AKAP13: variants seen among roughly 807,000 people sequenced by gnomAD.
AKAP13 encodes A-kinase anchor protein 13.
In AKAP13, 80 loss-of-function variants were observed where a neutral mutation model predicts 264.5. The observed-to-expected ratio is 0.30, with a 90% CI of 0.25 to 0.36. The LOEUF (loss-of-function observed/expected upper bound fraction) is 0.36. Ranked by LOEUF, AKAP13 falls within the 10% of genes least tolerant of loss-of-function variation. AKAP13 has a pLI of 1.00. For missense variants in AKAP13, 3,712 were observed against 3,435.2 expected, an observed-to-expected ratio of 1.08 and a Z score of -2.01; for synonymous variants, 1,380 against 1,250.2, an observed-to-expected ratio of 1.10 and a Z score of -2.19.
At chr15:85,684,940 C>T (rs967068589) in intron 16 of AKAP13, 67 bp downstream of exon 16, 9 of 1,510,356 alleles carry the variant, frequency 6.0e-6, no homozygotes, top group Non-Finnish European at 7.1e-6. Context: ...TGCATTCACA[C>T]CAAAACTGGT....
At chr15:85,402,231 C>T (rs2071458721) in intron 1 of AKAP13, among the ~76,000 whole-genome samples, 1 of 152,206 alleles carries the variant, frequency 6.6e-6, no homozygotes, top group South Asian at 2.1e-4. Context: ...GCAAGTGGTG[C>T]TACACAGAGT....
chr15:85,720,791 A>G (rs1163204685), intron 23 of AKAP13, among the ~76,000 whole-genome samples: 1 of 151,966 alleles, frequency 6.6e-6, no homozygotes, highest in East Asian at 1.9e-4. Flanking sequence ...TAGCACATTC[A>G]CTCATTCATT....
intron 8 of AKAP13, among the ~76,000 whole-genome samples, chr15:85,595,671 A>T (rs2079789431): frequency 6.6e-6 from 1 of 152,196 alleles, no homozygotes; most frequent in East Asian, 1.9e-4. Context: ...AAGAACAGGG[A>T]TAGCTTCAGG....
chr15:85,623,706 A>G (rs758552804), intron 8 of AKAP13, among the ~76,000 whole-genome samples: 6 of 152,216 alleles, frequency 3.9e-5, no homozygotes, highest in African/African-American at 7.2e-5. Flanking sequence ...ACCTAAGTTG[A>G]TAGTATTCCT....
At chr15:85,684,309 C>T (rs928215593) in intron 15 of AKAP13, 2 of 151,494 alleles carry the variant, frequency 1.3e-5, no homozygotes, top group African/African-American at 4.8e-5. Context: ...CGCCTGTAAT[C>T]CAAGCACTTT....
At chr15:85,736,211 T>C in intron 33 of AKAP13, 77 bp downstream of exon 33, 1 of 1,258,978 alleles carries the variant, frequency 7.9e-7, no homozygotes, top group Non-Finnish European at 1.1e-6. Flanking sequence ...TTTTTCCTTT[T>C]TTTTTTTTCT....
intron 2 of AKAP13, among the ~76,000 whole-genome samples, chr15:85,486,084 T>G (rs1461356951): frequency 1.3e-5 from 2 of 152,246 alleles, no homozygotes; most frequent in Non-Finnish European, 2.9e-5. Flanking sequence ...AAAAGTAGTG[T>G]GGAGATCCTC....
Position 85,722,270 on chromosome 15 carries a change from C to G in AKAP13, c.6419C>G (p.Pro2140Arg). 6.2e-7 allele frequency: 1 copy of G among 1,613,850 alleles called. No homozygotes were observed. The highest frequency in any genetic ancestry group is 8.5e-7 in the Non-Finnish European group (1 of 1,179,876). Residue 2140 changes from proline (P) to arginine (R), a missense_variant, in exon 25 of 37, where the codon CCA becomes CGA. Transcript: ENST00000394518. ...SSSVVRRLGI[P>R]ECILLVTQRI... Reference sequence around the variant, plus strand: ...TCAGTTGTTAGAAGGCTTGGAATTCCAGAGTGCATATTGCTTGTAACTCAG... The same window carrying G: ...TCAGTTGTTAGAAGGCTTGGAATTCGAGAGTGCATATTGCTTGTAACTCAG...
intron 36 of AKAP13, chr15:85,744,051 T>C: frequency 1.8e-6 from 1 of 556,428 alleles, no homozygotes; most frequent in Non-Finnish European, 3.1e-6. Context: ...ATGGGTTTCA[T>C]TTTCAAGGCA....
At chr15:85,627,935 C>T (rs1002189080) in intron 8 of AKAP13, among the ~76,000 whole-genome samples, 2 of 152,184 alleles carry the variant, frequency 1.3e-5, no homozygotes, top group African/African-American at 4.8e-5. Context: ...GCATATTGTC[C>T]GCTTTTAAAG....
intron 19 of AKAP13, among the ~76,000 whole-genome samples, chr15:85,712,499 A>T (rs1223898214): frequency 6.7e-6 from 1 of 149,772 alleles, no homozygotes; most frequent in Non-Finnish European, 1.5e-5. Context: ...ACAAATGCCT[A>T]TTATGTGCAA....
chr15:85,726,733 C>G (rs2087637626), intron 27 of AKAP13, among the ~76,000 whole-genome samples: 1 of 152,136 alleles, frequency 6.6e-6, no homozygotes, highest in South Asian at 2.1e-4. Flanking sequence ...TATGAAGAAA[C>G]CTGGTCACTG....
chr15:85,571,492 A>G (rs1304717031), intron 5 of AKAP13, among the ~76,000 whole-genome samples: 3 of 152,174 alleles, frequency 2.0e-5, no homozygotes, highest in Admixed American at 6.5e-5. Context: ...GTTTTGCGAG[A>G]TTTTACTAGT....
intron 1 of AKAP13, among the ~76,000 whole-genome samples, chr15:85,426,997 C>T (rs191378501): frequency 1.1e-3 from 156 of 147,762 alleles, no homozygotes; most frequent in African/African-American, 3.1e-3. Flanking sequence ...ACACTGTCAC[C>T]GGGGCTGGAG....
intron 8 of AKAP13, among the ~76,000 whole-genome samples, chr15:85,634,392 A>G (rs1304605247): frequency 2.0e-5 from 3 of 152,220 alleles, no homozygotes; most frequent in Non-Finnish European, 4.4e-5. Context: ...TTGAGCATAC[A>G]AATATTCACA....
chr15:85,732,227 G>A (rs1168241007), intron 30 of AKAP13, among the ~76,000 whole-genome samples: 1 of 152,126 alleles, frequency 6.6e-6, no homozygotes, highest in African/African-American at 2.4e-5. Context: ...TAGAGCTACT[G>A]GTATAGTAAG....
chr15:85,731,073 C>G (rs182107038), intron 30 of AKAP13, among the ~76,000 whole-genome samples: 55 of 140,634 alleles, frequency 3.9e-4, no homozygotes, highest in Middle Eastern at 8.2e-3. Flanking sequence ...GGTGCAACCT[C>G]GGCTCACTGC....
intron 35 of AKAP13, among the ~76,000 whole-genome samples, chr15:85,741,713 AAAAC>A (rs1189945199): frequency 2.4e-4 from 24 of 101,084 alleles, no homozygotes; most frequent in African/African-American, 3.2e-4. Context: ...AAAAAAAAAA[AAAAC>A]AAACAAACAA....
At position 85,442,235 on chromosome 15, in the gene AKAP13, C is replaced by T. The variant is rs2073685373; in HGVS notation, c.-11-43475C>T. Among the ~76,000 whole-genome samples the T allele has an allele frequency of 1.3e-5, 2 of 150,016 alleles. 1 individual carries two copies. Among genetic ancestry groups the T allele is most frequent in the Non-Finnish European group, 3.0e-5 (2 of 67,642 alleles). On this transcript the variant is annotated intron_variant, in intron 1 of 36. Coordinates refer to ENST00000394518, the MANE Select transcript of AKAP13 (RefSeq NM_007200.5). ...GACCAGCCTGGCCAGCATGGTGAAACCCCGTCTCTACTAAAAATACAAAAA... is the reference window on the plus strand; with the variant it reads ...GACCAGCCTGGCCAGCATGGTGAAATCCCGTCTCTACTAAAAATACAAAAA...
Sources: gnomAD v4.1 joint callset for allele counts (sites outside exome capture counted in the v4.1 genomes callset) on GRCh38, gnomAD v4.1.1 for gene constraint, MANE v1.5 for transcripts, NCBI Gene and HGNC (gene_info 2026-07-23, HGNC 2026-07-21) for gene names.